The following TRPC4AP variants were observed in gnomAD, a reference collection of about 807,000 sequenced individuals.
TRPC4AP encodes the protein short transient receptor potential channel 4-associated protein.
A neutral mutation model predicts 99.0 loss-of-function variants in TRPC4AP; 45 were observed. The observed-to-expected ratio is 0.45, with a 90% CI of 0.36 to 0.58. The LOEUF (loss-of-function observed/expected upper bound fraction) is 0.58. TRPC4AP is among the 20% of genes least tolerant of loss of function. The probability of loss-of-function intolerance (pLI) is 0.00; values close to 1 mark genes in which losing one functional copy is unlikely to be tolerated. For missense variants in TRPC4AP, 879 were observed against 985.3 expected (o/e 0.89, Z 1.44); for synonymous variants, 408 against 385.8 (o/e 1.06, Z -0.67).
At chr20:35,050,963 T>C (rs1025928276) in intron 5 of TRPC4AP, among the ~76,000 whole-genome samples, 2 of 151,564 alleles carry the variant, frequency 1.3e-5, no homozygotes, top group Non-Finnish European at 2.9e-5. Flanking sequence ...GTCTCACCAC[T>C]GCATTCCAGC....
At chr20:35,091,105 T>C (rs557056198) in intron 1 of TRPC4AP, among the ~76,000 whole-genome samples, 10 of 151,488 alleles carry the variant, frequency 6.6e-5, no homozygotes, top group Admixed American at 1.3e-4. Flanking sequence ...CCTCCCAGGC[T>C]CAGGTAATCC....
intron 5 of TRPC4AP, among the ~76,000 whole-genome samples, chr20:35,052,224 TGAG>T (rs1286986623): frequency 9.2e-6 from 1 of 108,682 alleles, no homozygotes; most frequent in Non-Finnish European, 2.1e-5. Context: ...CTCAGCCTCC[TGAG>T]GAGCTGGGAC....
At chr20:35,035,831 G>C (rs2083304372) in intron 7 of TRPC4AP, among the ~76,000 whole-genome samples, 1 of 78,336 alleles carries the variant, frequency 1.3e-5, no homozygotes. Flanking sequence ...TTGTTAGAGA[G>C]TAAATTATTA....
At chr20:35,054,332 A>C (rs1163855872) in intron 5 of TRPC4AP, among the ~76,000 whole-genome samples, 1 of 152,200 alleles carries the variant, frequency 6.6e-6, no homozygotes, top group Non-Finnish European at 1.5e-5. Context: ...AAAAACTAAC[A>C]TTTATATATT....
rs201325275 is a variant in TRPC4AP at position 35,010,192 on chromosome 20, G to A, written c.1506C>T (p.Thr502=). Residue 502 remains threonine (T), a synonymous_variant, in exon 12 of 19, where the codon ACC becomes ACT. Transcript: ENST00000252015. ...NIPEVEAVLN[T]DRSLVCDGKR... The stretch of plus-strand genomic sequence containing the variant: ...AGCTGCACCCCTGCACTCACCTGTC[G>A]GTGTTGAGGACAGCTTCCACCTCAG... The A allele has an allele frequency of 7.1e-5, 114 of 1,614,016 alleles. No individual in the cohort carries two copies. The highest frequency in any genetic ancestry group is 6.7e-4 in the Admixed American group (40 of 60,034).
intron 5 of TRPC4AP, among the ~76,000 whole-genome samples, chr20:35,052,975 C>T (rs2083739666): frequency 6.6e-6 from 1 of 152,174 alleles, no homozygotes; most frequent in South Asian, 2.1e-4. Context: ...TCTACATTAA[C>T]ATGGAATTCA....
intron 5 of TRPC4AP, among the ~76,000 whole-genome samples, chr20:35,051,221 C>G (rs933216942): frequency 2.0e-4 from 30 of 152,124 alleles, no homozygotes; most frequent in African/African-American, 6.0e-4. Flanking sequence ...CAGACACACA[C>G]AGTTTGGTAA....
chr20:35,056,307 T>A (rs2083824178), intron 4 of TRPC4AP, among the ~76,000 whole-genome samples: 1 of 152,154 alleles, frequency 6.6e-6, no homozygotes, highest in Non-Finnish European at 1.5e-5. Context: ...TTGTTCAGCA[T>A]CTACTCTAGA....
At chr20:35,086,481 GTGTGTATA>G (rs1477997976) in intron 1 of TRPC4AP, among the ~76,000 whole-genome samples, 2,258 of 125,050 alleles carry the variant, frequency 0.018, 282 homozygotes, top group African/African-American at 0.074. Flanking sequence ...GTGTGTATGT[GTGTGTATA>G]TATATATGTG....
intron 3 of TRPC4AP, among the ~76,000 whole-genome samples, chr20:35,058,072 GGAGA>G (rs2083884924): frequency 6.6e-6 from 1 of 151,942 alleles, no homozygotes; most frequent in Non-Finnish European, 1.5e-5. Context: ...TTCATTCTAC[GGAGA>G]GAAAGGATAG....
intron 1 of TRPC4AP, among the ~76,000 whole-genome samples, chr20:35,086,777 G>A (rs1032589272): frequency 6.6e-6 from 1 of 151,988 alleles, no homozygotes; most frequent in Non-Finnish European, 1.5e-5. Flanking sequence ...ACTCACATCT[G>A]TAATCCCAGC....
chr20:35,089,635 C>T (rs987024122), intron 1 of TRPC4AP, among the ~76,000 whole-genome samples: 3 of 152,004 alleles, frequency 2.0e-5, no homozygotes, highest in African/African-American at 4.8e-5. Flanking sequence ...GGGATCATGA[C>T]GTCAGGAGTT....
chr20:35,012,134 A>C (rs2082652067), intron 11 of TRPC4AP, among the ~76,000 whole-genome samples: 2 of 152,220 alleles, frequency 1.3e-5, no homozygotes, highest in Non-Finnish European at 2.9e-5. Flanking sequence ...ATTTTTCAGA[A>C]GGTTAACATG....
intron 1 of TRPC4AP, among the ~76,000 whole-genome samples, chr20:35,085,966 T>C (rs1403566122): frequency 6.6e-6 from 1 of 152,110 alleles, no homozygotes; most frequent in Non-Finnish European, 1.5e-5. Context: ...CCACACTAAA[T>C]GCAAGGGTCT....
chr20:35,056,195 C>T (rs1437773469), intron 4 of TRPC4AP, among the ~76,000 whole-genome samples: 1 of 152,182 alleles, frequency 6.6e-6, no homozygotes, highest in Non-Finnish European at 1.5e-5. Flanking sequence ...TTAACGACTT[C>T]AGAGCAGGGT....
chr20:35,032,157 T>C (rs899322141), intron 8 of TRPC4AP, among the ~76,000 whole-genome samples: 16 of 152,202 alleles, frequency 1.1e-4, no homozygotes, highest in African/African-American at 3.9e-4. Context: ...CCCAAAGTGC[T>C]GGGATTACAG....
chr20:35,038,988 C>T (rs1373533940), intron 7 of TRPC4AP, among the ~76,000 whole-genome samples: 7 of 152,170 alleles, frequency 4.6e-5, no homozygotes, highest in Non-Finnish European at 1.0e-4. Context: ...GCACGAGAAT[C>T]GCTTGAACCA....
intron 1 of TRPC4AP, among the ~76,000 whole-genome samples, chr20:35,089,349 C>T (rs2084974219): frequency 6.6e-6 from 1 of 151,340 alleles, no homozygotes; most frequent in African/African-American, 2.4e-5. Flanking sequence ...ACCTCGGGTT[C>T]CTGAGCAGCT....
chr20:35,045,352 C>T (rs973101185), intron 6 of TRPC4AP, among the ~76,000 whole-genome samples: 1 of 152,124 alleles, frequency 6.6e-6, no homozygotes, highest in Non-Finnish European at 1.5e-5. Context: ...CACTTCCCGC[C>T]GTTTTACCCC....
Sources: allele counts gnomAD v4.1 joint callset (sites outside exome capture counted in the v4.1 genomes callset), GRCh38; gene constraint gnomAD v4.1.1; transcripts MANE v1.5; gene names NCBI Gene and HGNC (gene_info 2026-07-23, HGNC 2026-07-21).